NKAIN2: variants seen among roughly 807,000 people sequenced by gnomAD.
NKAIN2 encodes sodium/potassium-transporting ATPase subunit beta-1-interacting protein 2.
A neutral mutation model predicts 32.6 loss-of-function variants in NKAIN2; 14 were observed. The observed-to-expected ratio is 0.43, with a 90% confidence interval of 0.28 to 0.67. NKAIN2 has a LOEUF of 0.67. Among genes scored for constraint, NKAIN2 ranks in the 30% least tolerant of loss-of-function variants. The pLI, the probability that NKAIN2 is intolerant of heterozygous loss-of-function variation, is 0.17. For synonymous variants in NKAIN2, 80 were observed against 87.2 expected (o/e 0.92, Z 0.46); for missense variants, 198 against 258.3 (o/e 0.77, Z 1.60).
chr6:124,387,182 TACA>T (rs1442654884), intron 3 of NKAIN2, among the ~76,000 whole-genome samples: 2 of 152,240 alleles, frequency 1.3e-5, no homozygotes, highest in Non-Finnish European at 2.9e-5. Flanking sequence ...TATACATACA[TACA>T]TTTATATCTT....
At position 123,936,704 on chromosome 6, in the gene NKAIN2, A is replaced by G. The variant is rs562812683; in HGVS notation, c.54+132450A>G. On this transcript the variant is annotated intron_variant, in intron 1 of 6. Coordinates refer to ENST00000368417, the MANE Select transcript of NKAIN2 (RefSeq NM_001040214.3). ...AAGACTTTTGATGTTAGGGCTGATTATGCTGAAGTGTTGTTATTTGTGTGC... is the reference window on the plus strand; with the variant it reads ...AAGACTTTTGATGTTAGGGCTGATTGTGCTGAAGTGTTGTTATTTGTGTGC... Among the ~76,000 whole-genome samples the G allele has an allele frequency of 8.5e-5, 13 of 152,264 alleles. No individual in the cohort carries two copies. The South Asian group carries it at 2.1e-3, about 24-fold the overall frequency.
chr6:123,911,801 GTA>G lies in NKAIN2; in HGVS notation c.54+107558_54+107559del, dbSNP rs200270867. Among the ~76,000 whole-genome samples, 340 of 58,418 alleles carry G rather than the reference GTA, an allele frequency of 5.8e-3. 19 individuals are homozygous for G. The highest frequency in any genetic ancestry group is 0.03 in the East Asian group (62 of 2,058). 38.3% of individuals were successfully genotyped at this position (58,418 alleles called of 152,430 possible). A position where few individuals can be genotyped will look rare whatever the true frequency, so the allele number is the denominator to read the frequency against. On this transcript the variant is annotated intron_variant, in intron 1 of 6. Transcript: ENST00000368417. ...TACATACATATATATATATATATAT[GTA>G]TATATATATACACACACACACACAC...
intron 4 of NKAIN2, among the ~76,000 whole-genome samples, chr6:124,661,187 C>A (rs1784733082): frequency 6.6e-6 from 1 of 152,200 alleles, no homozygotes; most frequent in African/African-American, 2.4e-5. Context: ...ATGTGGTAGA[C>A]AAAGAATATG....
At chr6:124,686,746 C>T (rs1019400285) in intron 4 of NKAIN2, among the ~76,000 whole-genome samples, 13 of 152,028 alleles carry the variant, frequency 8.6e-5, no homozygotes, top group Non-Finnish European at 1.8e-4. Context: ...GTCATATGGC[C>T]ATACCTGTGA....
At chr6:124,610,034 A>G (rs562674520) in intron 3 of NKAIN2, among the ~76,000 whole-genome samples, 29 of 152,294 alleles carry the variant, frequency 1.9e-4, no homozygotes, top group African/African-American at 7.0e-4. Context: ...TTATTTTATT[A>G]TCACTCACGA....
At chr6:124,408,942 T>A (rs543759763) in intron 3 of NKAIN2, among the ~76,000 whole-genome samples, 2 of 152,326 alleles carry the variant, frequency 1.3e-5, no homozygotes, top group East Asian at 3.9e-4. Flanking sequence ...CCTAGGTATT[T>A]TATTGTCTTT....
At chr6:124,493,561 GA>G (rs1189100241) in intron 3 of NKAIN2, among the ~76,000 whole-genome samples, 1 of 151,858 alleles carries the variant, frequency 6.6e-6, no homozygotes, top group East Asian at 1.9e-4. Flanking sequence ...CTATAGTTAA[GA>G]GGTAATTGTC....
chr6:124,336,013 G>A (rs890432869), intron 2 of NKAIN2, among the ~76,000 whole-genome samples: 3 of 152,088 alleles, frequency 2.0e-5, no homozygotes, highest in African/African-American at 4.8e-5. Context: ...TCATCTTACT[G>A]AAGCAAAGGG....
In NKAIN2 at chr6:124,445,502, A is replaced by T. The variant is rs188103857; in HGVS notation, c.273+90155A>T. ...TGATTTCCTCTGGAAGACAAAAAAA[A>T]TTCAAAATAATCAATAAGACTTCAC... On this transcript the variant is annotated intron_variant, in intron 3 of 6. Transcript: ENST00000368417. Among the ~76,000 whole-genome samples the T allele has an allele frequency of 6.5e-3, 985 of 152,220 alleles. 32 individuals carry two copies. Among genetic ancestry groups the T allele is most frequent in the Admixed American group, 0.058 (884 of 15,274 alleles).
At chr6:124,130,818 G>T (rs1476737697) in intron 1 of NKAIN2, among the ~76,000 whole-genome samples, 1 of 152,130 alleles carries the variant, frequency 6.6e-6, no homozygotes, top group African/African-American at 2.4e-5. Context: ...CAATTTATCT[G>T]TTCCAGGTCA....
chr6:124,055,269 C>T (rs942273344), intron 1 of NKAIN2, among the ~76,000 whole-genome samples: 6 of 151,904 alleles, frequency 3.9e-5, no homozygotes, highest in Admixed American at 1.3e-4. Context: ...CAGCATAAAA[C>T]GAATGCATAA....
chr6:123,975,885 T>C (rs1362580537), intron 1 of NKAIN2, among the ~76,000 whole-genome samples: 1 of 152,046 alleles, frequency 6.6e-6, no homozygotes, highest in Non-Finnish European at 1.5e-5. Context: ...CACCCAAATC[T>C]CATCTTGAAT....
At chr6:124,283,280 C>A in intron 2 of NKAIN2, 138 bp downstream of exon 2, 1 of 596,002 alleles carries the variant, frequency 1.7e-6, no homozygotes, top group Middle Eastern at 4.7e-4. Flanking sequence ...TGTTTATTTT[C>A]ATAGTTTCAG....
intron 1 of NKAIN2, among the ~76,000 whole-genome samples, chr6:123,988,338 G>T (rs1160346097): frequency 2.6e-5 from 4 of 152,072 alleles, no homozygotes; most frequent in African/African-American, 9.7e-5. Context: ...CTTCATAAAG[G>T]AAGGACATTC....
At chr6:124,580,549 C>A (rs1202845019) in intron 3 of NKAIN2, among the ~76,000 whole-genome samples, 1 of 151,852 alleles carries the variant, frequency 6.6e-6, no homozygotes, top group South Asian at 2.1e-4. Context: ...TTAAAACATA[C>A]CACCAGAGAA....
At chr6:124,147,897 G>T (rs996560660) in intron 1 of NKAIN2, among the ~76,000 whole-genome samples, 5 of 152,192 alleles carry the variant, frequency 3.3e-5, no homozygotes, top group African/African-American at 1.2e-4. Flanking sequence ...CAGGACCATG[G>T]ATATTTAGAG....
intron 2 of NKAIN2, among the ~76,000 whole-genome samples, chr6:124,288,678 TAA>T (rs1031080667): frequency 1.3e-5 from 2 of 152,174 alleles, no homozygotes; most frequent in Admixed American, 6.6e-5. Context: ...CTATACAATA[TAA>T]GTTATATCTA....
At chr6:124,230,254 A>G (rs1792379944) in intron 1 of NKAIN2, among the ~76,000 whole-genome samples, 1 of 152,156 alleles carries the variant, frequency 6.6e-6, no homozygotes, top group Non-Finnish European at 1.5e-5. Flanking sequence ...GAGATGATTT[A>G]GGGTATCTGA....
chr6:123,858,952 ATCT>A (rs1222881875), intron 1 of NKAIN2, among the ~76,000 whole-genome samples: 3 of 152,166 alleles, frequency 2.0e-5, no homozygotes, highest in Non-Finnish European at 4.4e-5. Flanking sequence ...TTTTGGACAT[ATCT>A]TCTTTATAAG....
Sources: gnomAD v4.1 joint callset for allele counts (sites outside exome capture counted in the v4.1 genomes callset) on GRCh38, gnomAD v4.1.1 for gene constraint, MANE v1.5 for transcripts, NCBI Gene and HGNC (gene_info 2026-07-23, HGNC 2026-07-21) for gene names.